Variants in OCIAD2 observed in about 807,000 individuals in gnomAD.
OCIAD2 encodes OCIA domain-containing protein 2.
In OCIAD2, 29 loss-of-function variants were observed where a neutral mutation model predicts 22.9. The ratio of observed to expected loss-of-function variants is 1.27; its 90% CI spans 0.94 to 1.73. The LOEUF is 1.73. OCIAD2 is among the 40% of genes most tolerant of loss of function. OCIAD2 has a pLI of 0.00. For missense variants in OCIAD2, 189 were observed against 180.3 expected, an observed-to-expected ratio of 1.05 and a Z score of -0.28; for synonymous variants, 67 against 60.2, an observed-to-expected ratio of 1.11 and a Z score of -0.52.
chr4:48,889,954 C>T (rs945560374), intron 6 of OCIAD2, among the ~76,000 whole-genome samples: 1 of 152,138 alleles, frequency 6.6e-6, no homozygotes, highest in African/African-American at 2.4e-5. Context: ...ATGTCCTTTG[C>T]AGGGACACGG....
intron 4 of OCIAD2, among the ~76,000 whole-genome samples, chr4:48,896,318 G>A (rs1427087679): frequency 1.3e-5 from 2 of 152,038 alleles, no homozygotes; most frequent in Non-Finnish European, 2.9e-5. Flanking sequence ...GGCTGGGTGT[G>A]ATGGCTCATG....
Position 48,904,630 on chromosome 4 carries a change from AAT to A in OCIAD2, c.-62-21_-62-20del, listed in dbSNP as rs1781489950. 8.2e-7 allele frequency: 1 copy of A among 1,223,664 alleles called. No individual in the cohort carries two copies. The highest frequency in any genetic ancestry group is 1.2e-6 in the Non-Finnish European group (1 of 827,128). 75.8% of individuals were successfully genotyped at this position (1,223,664 alleles called of 1,614,324 possible). ...CCAGTGTCTAAGGAAGGTAGAAGAG[AAT>A]CACTATGCCATGACTAAATGTTTGC... On this transcript the variant is annotated intron_variant, in intron 1 of 6. Transcript: ENST00000508632.
chr4:48,885,499 CTGAGAGTCTCCCT>C lies in OCIAD2; in HGVS notation c.437_449del (p.Lys146SerfsTer19). 6.2e-7 allele frequency: 1 copy of C among 1,602,022 alleles called. No individual in the cohort carries two copies. The highest frequency in any genetic ancestry group is 8.6e-7 in the Non-Finnish European group (1 of 1,168,954). ...GACACAGAATTTAGGAAGCTGAAGG[CTGAGAGTCTCCCT>C]TCTCACTTAATCCATGCTTTATTTT... On this transcript the variant is annotated frameshift_variant, in exon 7 of 7. Transcript: ENST00000508632. LOFTEE classifies it high-confidence loss of function.
At chr4:48,895,183 G>C (rs543155820) in intron 4 of OCIAD2, among the ~76,000 whole-genome samples, 1 of 152,312 alleles carries the variant, frequency 6.6e-6, no homozygotes, top group South Asian at 2.1e-4. Flanking sequence ...CTTGATTTTA[G>C]CCCAGTGAGA....
In OCIAD2 at chr4:48,897,543, C is replaced by T. The variant is rs116222458; in HGVS notation, c.217+261G>A. Among the ~76,000 whole-genome samples, 544 of 152,310 alleles carry T rather than the reference C, an allele frequency of 3.6e-3. 6 individuals are homozygous for T. Among genetic ancestry groups the T allele is most frequent in the African/African-American group, 0.013 (534 of 41,578 alleles). ...ACCTGGATCACCCAGGATACTCTCC[C>T]TATTTTAAGGTCAGGTGATTAACAA... On this transcript the variant is annotated intron_variant, in intron 4 of 6. Transcript: ENST00000508632.
At chr4:48,897,603 C>G (rs961041858) in intron 4 of OCIAD2, among the ~76,000 whole-genome samples, 1 of 152,138 alleles carries the variant, frequency 6.6e-6, no homozygotes, top group Non-Finnish European at 1.5e-5. Context: ...TTTCCTTTTG[C>G]CATGTAACCC....
At chr4:48,892,515 G>A (rs930670911) in intron 6 of OCIAD2, among the ~76,000 whole-genome samples, 4 of 152,106 alleles carry the variant, frequency 2.6e-5, no homozygotes, top group South Asian at 2.1e-4. Context: ...TGCTCATTGA[G>A]GAATTCTTTA....
At chr4:48,889,982 C>G (rs1781119889) in intron 6 of OCIAD2, among the ~76,000 whole-genome samples, 1 of 151,960 alleles carries the variant, frequency 6.6e-6, no homozygotes, top group Admixed American at 6.6e-5. Flanking sequence ...TGGAAACCAT[C>G]ATTCTCAGCA....
chr4:48,886,504 C>A (rs1336188102), intron 6 of OCIAD2, among the ~76,000 whole-genome samples: 2 of 135,638 alleles, frequency 1.5e-5, no homozygotes, highest in East Asian at 2.4e-4. Flanking sequence ...CCCCACCCTA[C>A]AACAGGCCCT....
At chr4:48,897,162 G>A (rs1032534295) in intron 4 of OCIAD2, 2 of 153,066 alleles carry the variant, frequency 1.3e-5, no homozygotes, top group African/African-American at 4.8e-5. Flanking sequence ...ACCATATACA[G>A]AGGCCTTGGG....
chr4:48,887,839 A>G (rs1781038163), intron 6 of OCIAD2, among the ~76,000 whole-genome samples: 1 of 152,102 alleles, frequency 6.6e-6, no homozygotes, highest in African/African-American at 2.4e-5. Flanking sequence ...TTGGTTCCAT[A>G]TGAATTTTAA....
intron 2 of OCIAD2, among the ~76,000 whole-genome samples, chr4:48,903,458 G>A (rs187012670): frequency 4.9e-4 from 75 of 152,080 alleles, no homozygotes; most frequent in African/African-American, 1.7e-3. Flanking sequence ...GCAATATAAT[G>A]AGACCCCCAT....
chr4:48,900,009 C>T lies in OCIAD2; in HGVS notation c.67-84G>A. On this transcript the variant is annotated intron_variant, in intron 2 of 6. Coordinates refer to ENST00000508632, the MANE Select transcript of OCIAD2 (RefSeq NM_001014446.3). ...TTTCTACAGAAGAGAACAGGGAGGT[C>T]TCTTCACTTGTTACACAGTGTGTGT... The T allele has an allele frequency of 4.3e-6, 4 of 939,674 alleles. No individual in the cohort carries two copies. The South Asian group carries it at 5.7e-5, about 13-fold the overall frequency. The allele number at this position is 939,674 out of a possible 1,614,324, so 58.2% of individuals were successfully genotyped here.
At chr4:48,897,441 T>A (rs555097070) in intron 4 of OCIAD2, among the ~76,000 whole-genome samples, 88 of 152,264 alleles carry the variant, frequency 5.8e-4, no homozygotes, top group African/African-American at 2.1e-3. Flanking sequence ...AGCTGAGGCC[T>A]CACATTGCCG....
intron 6 of OCIAD2, 40 bp downstream of exon 6, chr4:48,892,732 A>G (rs373651279): frequency 1.4e-5 from 14 of 966,904 alleles, no homozygotes; most frequent in Non-Finnish European, 2.2e-5. Flanking sequence ...TTAATTTCTT[A>G]TAATTACATT....
chr4:48,896,462 A>T (rs1781303190), intron 4 of OCIAD2, among the ~76,000 whole-genome samples: 1 of 152,036 alleles, frequency 6.6e-6, no homozygotes, highest in Non-Finnish European at 1.5e-5. Context: ...GTGTGGTGGC[A>T]TGTGTCTATA....
At chr4:48,888,958 G>T (rs568922143) in intron 6 of OCIAD2, among the ~76,000 whole-genome samples, 2 of 152,104 alleles carry the variant, frequency 1.3e-5, no homozygotes, top group Non-Finnish European at 2.9e-5. Context: ...CTGTGAATCC[G>T]TCTGGTCCTG....
chr4:48,904,864 G>T (rs1175800270), intron 1 of OCIAD2, among the ~76,000 whole-genome samples: 1 of 152,162 alleles, frequency 6.6e-6, no homozygotes, highest in Non-Finnish European at 1.5e-5. Context: ...TGCCAGGCCA[G>T]GGGATATGAA....
chr4:48,885,919 CT>C (rs1780973560), intron 6 of OCIAD2, among the ~76,000 whole-genome samples: 1 of 152,198 alleles, frequency 6.6e-6, no homozygotes, highest in Non-Finnish European at 1.5e-5. Context: ...TGCAGAAGCT[CT>C]TTAGCTTAAT....
Sources: gnomAD v4.1 joint callset for allele counts (sites outside exome capture counted in the v4.1 genomes callset) on GRCh38, gnomAD v4.1.1 for gene constraint, MANE v1.5 for transcripts, NCBI Gene and HGNC (gene_info 2026-07-23, HGNC 2026-07-21) for gene names.